The following FAM135B variants were observed in gnomAD, a reference collection of about 807,000 sequenced individuals.
FAM135B encodes protein FAM135B.
Under a neutral mutation model 127.7 loss-of-function variants are expected in FAM135B, and 43 were observed. The ratio of observed to expected loss-of-function variants is 0.34; its 90% confidence interval spans 0.26 to 0.43. The LOEUF is 0.43. FAM135B is among the 20% of genes least tolerant of loss of function. The pLI is 1.00. For missense variants in FAM135B, 1,558 were observed against 1,725.6 expected (o/e 0.90, Z 1.72); for synonymous variants, 670 against 665.1 (o/e 1.01, Z -0.11).
At chr8:138,290,886 G>T (rs1467220219) in intron 3 of FAM135B, among the ~76,000 whole-genome samples, 2 of 152,126 alleles carry the variant, frequency 1.3e-5, no homozygotes, top group African/African-American at 4.8e-5. Flanking sequence ...TTCTCATGAA[G>T]CCCAAAATCC....
chr8:138,307,381 T>A lies in FAM135B; in HGVS notation c.157+3460A>T, dbSNP rs919949562. ...CTAATTAAACCTTTTATTATGTAAA[T>A]GGCCCAGTCTTGCGTATGTCTTTAT... is the stretch of plus-strand genomic sequence containing the variant. On this transcript the variant is annotated intron_variant, in intron 3 of 19. Coordinates refer to ENST00000395297, the MANE Select transcript of FAM135B (RefSeq NM_015912.4). Among the ~76,000 whole-genome samples the A allele has an allele frequency of 8.5e-4, 129 of 152,282 alleles. 1 individual carries two copies. The highest frequency in any genetic ancestry group is 2.9e-3 in the African/African-American group (121 of 41,558).
At chr8:138,398,824 T>C (rs1408816903) in intron 1 of FAM135B, among the ~76,000 whole-genome samples, 2 of 152,194 alleles carry the variant, frequency 1.3e-5, no homozygotes, top group Admixed American at 1.3e-4. Flanking sequence ...GGTCTTCATA[T>C]ATATTTAGTC....
At chr8:138,247,191 T>C (rs1436599200) in intron 6 of FAM135B, among the ~76,000 whole-genome samples, 1 of 152,180 alleles carries the variant, frequency 6.6e-6, no homozygotes, top group East Asian at 1.9e-4. Flanking sequence ...ATTAAGACTT[T>C]GAGGGACTGT....
chr8:138,451,350 T>C (rs1836470590), intron 1 of FAM135B, among the ~76,000 whole-genome samples: 3 of 152,180 alleles, frequency 2.0e-5, no homozygotes, highest in South Asian at 4.1e-4. Context: ...GTTATTAGGG[T>C]AGAAGTTTTT....
At chr8:138,215,574 GC>G (rs1159804453) in intron 7 of FAM135B, among the ~76,000 whole-genome samples, 1 of 152,122 alleles carries the variant, frequency 6.6e-6, no homozygotes, top group African/African-American at 2.4e-5. Flanking sequence ...TGAGCCTCAG[GC>G]TTCCATTCTA....
chr8:138,405,948 A>T (rs1232995762), intron 1 of FAM135B, among the ~76,000 whole-genome samples: 1 of 151,714 alleles, frequency 6.6e-6, no homozygotes, highest in Non-Finnish European at 1.5e-5. Flanking sequence ...TTTGATTTGC[A>T]TTTCTCTGAT....
chr8:138,393,374 T>C (rs555639208), intron 1 of FAM135B, among the ~76,000 whole-genome samples: 14 of 152,002 alleles, frequency 9.2e-5, no homozygotes, highest in Admixed American at 7.9e-4. Context: ...TTTGCTCCTA[T>C]AGGACTTCTC....
intron 3 of FAM135B, among the ~76,000 whole-genome samples, chr8:138,273,693 G>A (rs1823576529): frequency 6.6e-6 from 1 of 152,098 alleles, no homozygotes; most frequent in South Asian, 2.1e-4. Flanking sequence ...ACTACACTGG[G>A]GAGCCAGATG....
chr8:138,190,901 C>A (rs181637440), intron 9 of FAM135B, among the ~76,000 whole-genome samples: 1 of 152,168 alleles, frequency 6.6e-6, no homozygotes, highest in Non-Finnish European at 1.5e-5. Flanking sequence ...AGTTGCCCCA[C>A]CTTTTTGGAC....
At chr8:138,456,032 C>G (rs928509897) in intron 1 of FAM135B, among the ~76,000 whole-genome samples, 1 of 152,150 alleles carries the variant, frequency 6.6e-6, no homozygotes, top group Non-Finnish European at 1.5e-5. Context: ...CAGAAGTGTA[C>G]GTGAGGACCA....
chr8:138,465,601 A>T (rs557051123), intron 1 of FAM135B, among the ~76,000 whole-genome samples: 75 of 151,480 alleles, frequency 5.0e-4, no homozygotes, highest in Non-Finnish European at 1.0e-3. Flanking sequence ...TGCCCAACCC[A>T]CTCTTTGCTT....
intron 2 of FAM135B, among the ~76,000 whole-genome samples, chr8:138,338,090 C>A (rs1382006916): frequency 3.3e-5 from 5 of 152,152 alleles, no homozygotes; most frequent in Non-Finnish European, 5.9e-5. Flanking sequence ...CTTCCTTAAA[C>A]CTTATACAAA....
intron 11 of FAM135B, among the ~76,000 whole-genome samples, chr8:138,171,289 C>A (rs115398338): frequency 6.6e-6 from 1 of 152,124 alleles, no homozygotes; most frequent in Non-Finnish European, 1.5e-5. Context: ...TGAAGCAAGT[C>A]GGGGAGAAGT....
intron 8 of FAM135B, among the ~76,000 whole-genome samples, chr8:138,195,868 T>G (rs536858926): frequency 5.9e-4 from 90 of 152,356 alleles, no homozygotes; most frequent in African/African-American, 2.1e-3. Flanking sequence ...GGGTTTGAAC[T>G]TTCCTCTGGT....
At chr8:138,291,197 C>A (rs758701675) in intron 3 of FAM135B, among the ~76,000 whole-genome samples, 4 of 152,134 alleles carry the variant, frequency 2.6e-5, no homozygotes, top group African/African-American at 4.8e-5. Flanking sequence ...ATCAAGGTAG[C>A]TATATTTAGA....
At chr8:138,430,745 C>A (rs951661876) in intron 1 of FAM135B, among the ~76,000 whole-genome samples, 36 of 152,162 alleles carry the variant, frequency 2.4e-4, no homozygotes, top group Admixed American at 2.1e-3. Context: ...TGTGAAAGAG[C>A]AACTGGGATA....
chr8:138,150,305 C>A (rs951651065), intron 13 of FAM135B, among the ~76,000 whole-genome samples: 1 of 152,130 alleles, frequency 6.6e-6, no homozygotes, highest in Non-Finnish European at 1.5e-5. Flanking sequence ...TCAAAGAACT[C>A]CCCTTTCAAA....
intron 12 of FAM135B, among the ~76,000 whole-genome samples, chr8:138,162,765 T>G (rs1294063011): frequency 1.3e-5 from 2 of 152,218 alleles, no homozygotes; most frequent in Non-Finnish European, 2.9e-5. Context: ...CTGCTCCAGC[T>G]TTGGTTCATT....
chr8:138,371,065 T>C (rs929334799), intron 1 of FAM135B, among the ~76,000 whole-genome samples: 1 of 152,164 alleles, frequency 6.6e-6, no homozygotes, highest in African/African-American at 2.4e-5. Context: ...AAACACTAAT[T>C]TGAGAACCAC....
Sources: gnomAD v4.1 joint callset for allele counts (sites outside exome capture counted in the v4.1 genomes callset) on GRCh38, gnomAD v4.1.1 for gene constraint, MANE v1.5 for transcripts, NCBI Gene and HGNC (gene_info 2026-07-23, HGNC 2026-07-21) for gene names.